SGMS2: variants seen among roughly 807,000 people sequenced by gnomAD.
SGMS2 encodes phosphatidylcholine:ceramide cholinephosphotransferase 2.
Under a neutral mutation model 43.8 loss-of-function variants are expected in SGMS2, and 21 were observed. The observed-to-expected ratio is 0.48, with a 90% CI of 0.34 to 0.69. The LOEUF (loss-of-function observed/expected upper bound fraction) is 0.69, where lower values mean the gene tolerates loss of function less well. Among genes scored for constraint, SGMS2 ranks in the 30% least tolerant of loss-of-function variants. The pLI, the probability that SGMS2 is intolerant of heterozygous loss-of-function variation, is 0.01. For missense variants in SGMS2, 384 were observed against 443.2 expected, an observed-to-expected ratio of 0.87 and a Z score of 1.20; for synonymous variants, 167 against 160.6, an observed-to-expected ratio of 1.04 and a Z score of -0.30.
At chr4:107,827,402 G>A (rs571305744) in intron 1 of SGMS2, among the ~76,000 whole-genome samples, 2 of 152,180 alleles carry the variant, frequency 1.3e-5, no homozygotes, top group South Asian at 4.1e-4. Flanking sequence ...TTATCAAGAG[G>A]GGAAAAAAGG....
chr4:107,860,554 C>G (rs965021387), intron 2 of SGMS2, among the ~76,000 whole-genome samples: 2 of 149,582 alleles, frequency 1.3e-5, no homozygotes, highest in South Asian at 2.1e-4. Flanking sequence ...CGGAGCCTCT[C>G]TCTGTTGCCC....
At chr4:107,903,912 G>C (rs1353956276) in intron 5 of SGMS2, among the ~76,000 whole-genome samples, 1 of 152,102 alleles carries the variant, frequency 6.6e-6, no homozygotes, top group Non-Finnish European at 1.5e-5. Context: ...TTTCATAGGA[G>C]TCTTCATGGA....
chr4:107,863,689 A>T (rs1727908574), intron 2 of SGMS2: 1 of 152,190 alleles, frequency 6.6e-6, no homozygotes, highest in South Asian at 2.1e-4. Context: ...AATGCTCTGA[A>T]GCTAGATATG....
In SGMS2 at chr4:107,869,757, A is replaced by T. The variant is rs550990140; in HGVS notation, c.-245+11204A>T. Among the ~76,000 whole-genome samples, 26 of 149,858 alleles carry T rather than the reference A, an allele frequency of 1.7e-4. No homozygotes were observed. In the East Asian group the frequency reaches 2.3e-3, roughly 13 times the overall value. On this transcript the variant is annotated intron_variant, in intron 2 of 6. Transcript: ENST00000690982. ...AAAAATACAGAGTAGAGGACAGATT[A>T]AAAAAAAAAGATTTCCTGTGATAAT...
chr4:107,842,654 C>G (rs779531440), intron 1 of SGMS2, among the ~76,000 whole-genome samples: 3 of 152,126 alleles, frequency 2.0e-5, no homozygotes, highest in African/African-American at 7.2e-5. Flanking sequence ...AATGACCTGT[C>G]GTGTAATTCC....
At chr4:107,890,390 G>A (rs963581204) in intron 2 of SGMS2, among the ~76,000 whole-genome samples, 11 of 151,938 alleles carry the variant, frequency 7.2e-5, no homozygotes, top group Non-Finnish European at 1.3e-4. Context: ...TTTAAAAAAC[G>A]GGCGCTAGGC....
At chr4:107,837,605 G>A (rs986544556) in intron 1 of SGMS2, among the ~76,000 whole-genome samples, 4 of 152,174 alleles carry the variant, frequency 2.6e-5, no homozygotes, top group Admixed American at 1.3e-4. Context: ...GCCACGAGAA[G>A]GCATTGTGAT....
At chr4:107,833,734 G>A (rs1726019864) in intron 1 of SGMS2, among the ~76,000 whole-genome samples, 1 of 152,238 alleles carries the variant, frequency 6.6e-6, no homozygotes, top group Non-Finnish European at 1.5e-5. Flanking sequence ...TCAGGTTGCA[G>A]ATGGAGTTAA....
At chr4:107,827,823 T>C (rs540985453) in intron 1 of SGMS2, among the ~76,000 whole-genome samples, 48 of 152,052 alleles carry the variant, frequency 3.2e-4, no homozygotes, top group African/African-American at 1.2e-3. Context: ...CCATCTCTAC[T>C]AAAAATAGAA....
rs562954191 is a variant in SGMS2, at chr4:107,914,540, C to A, written c.*3987C>A. On this transcript the variant is annotated 3_prime_UTR_variant, in exon 7 of 7. Transcript: ENST00000690982. ...TGCATTCTTTTGGAAATTTACTGTA[C>A]TGTTTCAATGTGTTAAGTGCCTTGT... The A allele has an allele frequency of 2.0e-5, 3 of 152,158 alleles. No individual in the cohort carries two copies. Among genetic ancestry groups the A allele is most frequent in the African/African-American group, 7.2e-5 (3 of 41,560 alleles). The allele number at this position is 152,158 out of a possible 1,614,324, so 9.4% of individuals were successfully genotyped here.
chr4:107,884,103 T>A (rs1729565796), intron 2 of SGMS2, among the ~76,000 whole-genome samples: 1 of 152,224 alleles, frequency 6.6e-6, no homozygotes, highest in Admixed American at 6.5e-5. Context: ...TTTCTTCTTT[T>A]TTCCCCATTT....
At chr4:107,863,453 G>A (rs1417369964) in intron 2 of SGMS2, 1 of 152,164 alleles carries the variant, frequency 6.6e-6, no homozygotes, top group Non-Finnish European at 1.5e-5. Context: ...GTGAAGGAAT[G>A]AAGAAGAAGA....
chr4:107,901,296 A>T (rs1410186493), intron 4 of SGMS2, among the ~76,000 whole-genome samples: 1 of 152,198 alleles, frequency 6.6e-6, no homozygotes, highest in Admixed American at 6.5e-5. Flanking sequence ...ACTTAGTTTG[A>T]CTAGAGGTGA....
intron 2 of SGMS2, among the ~76,000 whole-genome samples, chr4:107,882,007 C>T (rs1729394960): frequency 6.6e-6 from 1 of 152,144 alleles, no homozygotes; most frequent in African/African-American, 2.4e-5. Context: ...CTTCATCCAT[C>T]CATCAGTGGA....
chr4:107,858,016 C>A (rs553728761), intron 1 of SGMS2, among the ~76,000 whole-genome samples: 1 of 152,214 alleles, frequency 6.6e-6, no homozygotes, highest in Admixed American at 6.5e-5. Context: ...CCCCACCCCC[C>A]CCATCCCCAA....
intron 1 of SGMS2, among the ~76,000 whole-genome samples, chr4:107,857,655 G>C (rs1727500844): frequency 6.6e-6 from 1 of 151,894 alleles, no homozygotes; most frequent in Non-Finnish European, 1.5e-5. Flanking sequence ...CTGGCCAGTA[G>C]CCTATATTTT....
chr4:107,825,847 A>G (rs1443431038), intron 1 of SGMS2, among the ~76,000 whole-genome samples: 1 of 150,502 alleles, frequency 6.6e-6, no homozygotes, highest in East Asian at 1.9e-4. Context: ...CTTGAAACCA[A>G]CTCAAAATGT....
At chr4:107,878,911 G>A (rs982282295) in intron 2 of SGMS2, among the ~76,000 whole-genome samples, 6 of 152,154 alleles carry the variant, frequency 3.9e-5, no homozygotes, top group Admixed American at 2.0e-4. Flanking sequence ...TTATATCAAC[G>A]TCATTAAGGC....
chr4:107,834,063 A>C (rs1253545817), intron 1 of SGMS2, among the ~76,000 whole-genome samples: 1 of 152,246 alleles, frequency 6.6e-6, no homozygotes, highest in Admixed American at 6.5e-5. Flanking sequence ...TCTGACCTCC[A>C]GAACTGTAGG....
Sources: allele counts gnomAD v4.1 joint callset (sites outside exome capture counted in the v4.1 genomes callset), GRCh38; gene constraint gnomAD v4.1.1; transcripts MANE v1.5; gene names NCBI Gene and HGNC (gene_info 2026-07-23, HGNC 2026-07-21).